The following EGFR variants were observed in gnomAD, a reference collection of about 807,000 sequenced individuals.
The protein encoded by EGFR is avian erythroblastic leukemia viral (v-erb-b) oncogene homolog.
Under a neutral mutation model 143.0 loss-of-function variants are expected in EGFR, and 58 were observed. The observed-to-expected ratio is 0.41, with a 90% CI of 0.33 to 0.50. The LOEUF (loss-of-function observed/expected upper bound fraction) is 0.50. Ranked by LOEUF, EGFR falls within the 20% of genes least tolerant of loss-of-function variation. The pLI is 0.39. For missense variants in EGFR, 1,307 were observed against 1,579.0 expected, an observed-to-expected ratio of 0.83 and a Z score of 2.92; for synonymous variants, 613 against 594.4, an observed-to-expected ratio of 1.03 and a Z score of -0.45.
At chr7:55,143,551 C>A (rs1205669768) in intron 3 of EGFR, 63 bp downstream of exon 3, 1 of 1,581,124 alleles carries the variant, frequency 6.3e-7, no homozygotes, top group Non-Finnish European at 8.7e-7. Context: ...CGATGGCTCC[C>A]AGCGAGCTTG....
chr7:55,112,648 C>T (rs1024131612), intron 1 of EGFR, among the ~76,000 whole-genome samples: 1 of 152,130 alleles, frequency 6.6e-6, no homozygotes, highest in Non-Finnish European at 1.5e-5. Flanking sequence ...TTCCTGCCGG[C>T]CTCTGGAGAT....
intron 20 of EGFR, among the ~76,000 whole-genome samples, chr7:55,184,817 G>T (rs1034425792): frequency 1.3e-5 from 2 of 152,212 alleles, no homozygotes; most frequent in Non-Finnish European, 2.9e-5. Context: ...TCCCTGGAGG[G>T]AAATGAAAAC....
chr7:55,157,075 A>C, intron 10 of EGFR: 2 of 987,566 alleles, frequency 2.0e-6, no homozygotes, highest in Non-Finnish European at 2.8e-6. Context: ...GCCCGGCCCC[A>C]GCCAGCTGCC....
At chr7:55,178,379 G>A (rs988537348) in intron 19 of EGFR, among the ~76,000 whole-genome samples, 3 of 152,232 alleles carry the variant, frequency 2.0e-5, no homozygotes, top group African/African-American at 7.2e-5. Context: ...ATTTCTAGGT[G>A]TACTGTGTGT....
intron 20 of EGFR, among the ~76,000 whole-genome samples, chr7:55,188,316 C>T (rs1221934177): frequency 2.0e-5 from 3 of 151,998 alleles, no homozygotes; most frequent in African/African-American, 7.3e-5. Flanking sequence ...GAACTCCTCC[C>T]AAGACTCGTG....
chr7:55,035,967 A>C (rs1262215742), intron 1 of EGFR, among the ~76,000 whole-genome samples: 1 of 151,940 alleles, frequency 6.6e-6, no homozygotes, highest in Non-Finnish European at 1.5e-5. Context: ...ATATTAACCT[A>C]AGCCAAAAGC....
At chr7:55,089,490 C>T (rs551870493) in intron 1 of EGFR, among the ~76,000 whole-genome samples, 1 of 152,298 alleles carries the variant, frequency 6.6e-6, no homozygotes, top group Admixed American at 6.5e-5. Context: ...TCTGTCCTTC[C>T]ATTTCTGAAC....
chr7:55,173,795 T>C (rs966290828), intron 17 of EGFR, 126 bp from the exon 18 acceptor site: 3 of 1,458,466 alleles, frequency 2.1e-6, no homozygotes, highest in African/African-American at 2.8e-5. Context: ...AGCTGGCAAG[T>C]GCCGTGTCCT....
At chr7:55,182,558 G>T in intron 20 of EGFR, 1 of 152,316 alleles carries the variant, frequency 6.6e-6, no homozygotes. Flanking sequence ...GCTGTTGCTG[G>T]GAGCCGTGGT....
chr7:55,053,649 T>A (rs921674330), intron 1 of EGFR, among the ~76,000 whole-genome samples: 5 of 152,182 alleles, frequency 3.3e-5, no homozygotes, highest in African/African-American at 7.2e-5. Flanking sequence ...GACACACAGC[T>A]CCCAGGGCCA....
At chr7:55,159,294 T>C (rs1034557999) in intron 11 of EGFR, among the ~76,000 whole-genome samples, 1 of 152,114 alleles carries the variant, frequency 6.6e-6, no homozygotes, top group Admixed American at 6.5e-5. Flanking sequence ...GGGCTAGTGG[T>C]TCTCACACCC....
At chr7:55,201,150 T>C (rs2128971377) in intron 24 of EGFR, 38 bp from the exon 25 acceptor site, 1 of 1,613,920 alleles carries the variant, frequency 6.2e-7, no homozygotes, top group Non-Finnish European at 8.5e-7. Context: ...ATAGCATCTC[T>C]ACGGGCCATT....
intron 19 of EGFR, among the ~76,000 whole-genome samples, chr7:55,178,490 G>A (rs1355917787): frequency 6.6e-6 from 1 of 152,188 alleles, no homozygotes; most frequent in African/African-American, 2.4e-5. Context: ...ATTGGGGTGA[G>A]CAGTGGGCCA....
intron 11 of EGFR, 89 bp from the exon 12 acceptor site, chr7:55,160,050 A>T: frequency 2.9e-6 from 4 of 1,385,500 alleles, no homozygotes; most frequent in Non-Finnish European, 4.0e-6. Context: ...GTTTGTAGTC[A>T]ATCAAAGGTG....
rs1787407443 is a variant in EGFR, at chr7:55,191,791, C to T, written c.2542C>T (p.Pro848Ser). ...LAARNVLVKT[P>S]QHVKITDFGL... ...AGCCAGGAACGTACTGGTGAAAACA[C>T]CGCAGCATGTCAAGATCACAGATTT... The change falls in exon 21 of 28, where the codon CCG becomes TCG. Residue 848 changes from proline to serine, a missense_variant. Pro to Ser is a moderately conservative substitution (Grantham distance 74). Transcript: ENST00000275493. The T allele has an allele frequency of 1.2e-6, 2 of 1,614,106 alleles. No individual in the cohort carries two copies. The highest frequency in any genetic ancestry group is 1.7e-6 in the Non-Finnish European group (2 of 1,180,036).
intron 19 of EGFR, among the ~76,000 whole-genome samples, chr7:55,177,531 A>C (rs574456081): frequency 1.3e-4 from 20 of 152,272 alleles, no homozygotes; most frequent in Admixed American, 3.9e-4. Context: ...AAGTTCTTAA[A>C]ATGCAGGGGA....
chr7:55,019,502 T>A, intron 1 of EGFR, 137 bp downstream of exon 1: 1 of 364,296 alleles, frequency 2.7e-6, no homozygotes, highest in East Asian at 8.8e-5. Flanking sequence ...TGAGATCAGC[T>A]GCGCCGCCGA....
chr7:55,151,672 G>A (rs963679228), intron 5 of EGFR, among the ~76,000 whole-genome samples: 7 of 152,136 alleles, frequency 4.6e-5, no homozygotes, highest in African/African-American at 1.2e-4. Flanking sequence ...TCAGGAGATC[G>A]AGCCATTCTG....
At chr7:55,058,286 C>A (rs1583931479) in intron 1 of EGFR, among the ~76,000 whole-genome samples, 1 of 152,014 alleles carries the variant, frequency 6.6e-6, no homozygotes, top group Non-Finnish European at 1.5e-5. Flanking sequence ...CCCAGCTACT[C>A]GGAAGGCTGA....
Sources: allele counts gnomAD v4.1 joint callset (sites outside exome capture counted in the v4.1 genomes callset), GRCh38; gene constraint gnomAD v4.1.1; transcripts MANE v1.5; gene names NCBI Gene and HGNC (gene_info 2026-07-23, HGNC 2026-07-21).